The following RXFP1 variants were observed in gnomAD, a reference collection of about 807,000 sequenced individuals.
The protein encoded by RXFP1 is relaxin receptor 1.
RXFP1 carries 73 observed loss-of-function variants against 89.8 expected under a neutral mutation model. The observed-to-expected ratio is 0.81, with a 90% CI of 0.67 to 0.99. The LOEUF (loss-of-function observed/expected upper bound fraction) is 0.99. RXFP1 is among the 50% of genes least tolerant of loss of function. The pLI, the probability that RXFP1 is intolerant of heterozygous loss-of-function variation, is 0.00. For synonymous variants in RXFP1, 277 were observed against 305.5 expected (o/e 0.91, Z 0.97); for missense variants, 793 against 895.5 (o/e 0.89, Z 1.46).
intron 2 of RXFP1, among the ~76,000 whole-genome samples, chr4:158,591,585 CA>C (rs556318387): frequency 0.03 from 2,469 of 82,324 alleles, 41 homozygotes; most frequent in African/African-American, 0.069. Flanking sequence ...CCCATCTCTA[CA>C]AAAAAAAAAA....
chr4:158,620,970 TA>T, intron 9 of RXFP1, among the ~76,000 whole-genome samples: 1 of 151,714 alleles, frequency 6.6e-6, no homozygotes, highest in African/African-American at 2.4e-5. Flanking sequence ...AAATTTTTTT[TA>T]AAAAATTAGC....
intron 1 of RXFP1, among the ~76,000 whole-genome samples, chr4:158,535,332 A>G: frequency 6.6e-6 from 1 of 152,242 alleles, no homozygotes; most frequent in Non-Finnish European, 1.5e-5. Context: ...GTAATATATT[A>G]GTAATTCAAA....
At chr4:158,593,968 A>G (rs190043117) in intron 3 of RXFP1, among the ~76,000 whole-genome samples, 4 of 152,362 alleles carry the variant, frequency 2.6e-5, no homozygotes, top group Non-Finnish European at 5.9e-5. Flanking sequence ...CTGAAAACTT[A>G]CAAAAACACT....
intron 1 of RXFP1, among the ~76,000 whole-genome samples, chr4:158,565,407 G>A (rs942478534): frequency 3.3e-5 from 5 of 152,108 alleles, no homozygotes; most frequent in African/African-American, 2.4e-5. Context: ...GAGAGACCTG[G>A]TGGCAGTGAT....
chr4:158,525,056 T>C (rs996465065), intron 1 of RXFP1, among the ~76,000 whole-genome samples: 3 of 152,254 alleles, frequency 2.0e-5, no homozygotes, highest in South Asian at 4.1e-4. Flanking sequence ...TCTGTAACTA[T>C]GAAGAAGAGA....
chr4:158,547,125 A>G (rs950955959), intron 1 of RXFP1, among the ~76,000 whole-genome samples: 14 of 151,944 alleles, frequency 9.2e-5, no homozygotes, highest in African/African-American at 3.4e-4. Context: ...CACAATTTCA[A>G]AGTCTGTTAT....
chr4:158,612,437 C>G, intron 8 of RXFP1, 75 bp downstream of exon 8: 6 of 1,068,864 alleles, frequency 5.6e-6, no homozygotes, highest in Non-Finnish European at 8.2e-6. Flanking sequence ...AAATTTAATA[C>G]CATTAAATTT....
At chr4:158,632,299 T>C (rs1768200821) in intron 11 of RXFP1, among the ~76,000 whole-genome samples, 3 of 152,304 alleles carry the variant, frequency 2.0e-5, no homozygotes, top group Admixed American at 1.3e-4. Context: ...TTTTAAAAAC[T>C]CAGTCTAAAA....
intron 6 of RXFP1, among the ~76,000 whole-genome samples, chr4:158,608,387 A>G (rs924033720): frequency 7.3e-6 from 1 of 137,392 alleles, no homozygotes; most frequent in Non-Finnish European, 1.5e-5. Context: ...TTCCAGGTTC[A>G]AGCAATTCTC....
chr4:158,591,831 A>G (rs1024616963), intron 2 of RXFP1, among the ~76,000 whole-genome samples: 4 of 152,236 alleles, frequency 2.6e-5, no homozygotes, highest in Admixed American at 2.6e-4. Context: ...ACAAACTTTT[A>G]TAACTTCACT....
chr4:158,585,463 T>C (rs973088134), intron 2 of RXFP1, among the ~76,000 whole-genome samples: 3 of 152,210 alleles, frequency 2.0e-5, no homozygotes, highest in African/African-American at 7.2e-5. Flanking sequence ...GCCAGGGGAA[T>C]CTAACAACAT....
intron 3 of RXFP1, among the ~76,000 whole-genome samples, chr4:158,596,431 T>A (rs1320618732): frequency 2.0e-5 from 3 of 152,072 alleles, no homozygotes; most frequent in Admixed American, 1.3e-4. Flanking sequence ...TGGCTAATTA[T>A]GTATTTTTAG....
chr4:158,542,109 A>ATATATATATATATATATAT, intron 1 of RXFP1, among the ~76,000 whole-genome samples: 1 of 35,242 alleles, frequency 2.8e-5, no homozygotes, highest in African/African-American at 9.3e-5. Flanking sequence ...ATATATATAT[A>ATATATATATATATATATAT]TTTTTTTTTT....
Position 158,638,071 on chromosome 4 carries a change from C to T in RXFP1, c.1035C>T (p.Leu345=). The T allele has an allele frequency of 6.3e-7, 1 of 1,589,092 alleles. No individual in the cohort carries two copies. Among genetic ancestry groups the T allele is most frequent in the Non-Finnish European group, 8.6e-7 (1 of 1,158,590 alleles). Reference sequence around the variant, plus strand: ...ACCAATTTGATTATCTTGTCAAACTCAAGTCTCTGTAAGTATTCACATATG... The same window carrying T: ...ACCAATTTGATTATCTTGTCAAACTTAAGTCTCTGTAAGTATTCACATATG... The part of the protein sequence containing the change: ...QANQFDYLVK[L]KSLSLEGIEI... The change falls in exon 13 of 18, where the codon CTC becomes CTT. Residue 345 remains leucine (L), a synonymous_variant. Coordinates refer to ENST00000307765, the MANE Select transcript of RXFP1 (RefSeq NM_021634.4).
intron 2 of RXFP1, among the ~76,000 whole-genome samples, chr4:158,573,916 C>T (rs550400356): frequency 2.6e-5 from 4 of 152,162 alleles, no homozygotes; most frequent in South Asian, 4.2e-4. Flanking sequence ...TCTTTTGGGA[C>T]GAAAAGTGAG....
intron 9 of RXFP1, among the ~76,000 whole-genome samples, chr4:158,625,243 A>G (rs539206726): frequency 2.6e-5 from 4 of 152,166 alleles, no homozygotes; most frequent in Non-Finnish European, 5.9e-5. Context: ...CCAACTTAAT[A>G]GAATAACAGA....
At chr4:158,621,687 A>T (rs1765661891) in intron 9 of RXFP1, among the ~76,000 whole-genome samples, 1 of 152,242 alleles carries the variant, frequency 6.6e-6, no homozygotes, top group Non-Finnish European at 1.5e-5. Flanking sequence ...GGCCAACTAT[A>T]TTAATCATAT....
intron 5 of RXFP1, among the ~76,000 whole-genome samples, chr4:158,606,851 A>G (rs1451827854): frequency 3.9e-5 from 6 of 151,976 alleles, no homozygotes; most frequent in Non-Finnish European, 8.8e-5. Flanking sequence ...AAGCTCTGCA[A>G]TTATGGGCAT....
chr4:158,551,941 C>CA (rs1750241228), intron 1 of RXFP1, among the ~76,000 whole-genome samples: 1 of 151,864 alleles, frequency 6.6e-6, no homozygotes. Flanking sequence ...GACCTTGTTA[C>CA]AAAAATAAAT....
Sources: allele counts gnomAD v4.1 joint callset (sites outside exome capture counted in the v4.1 genomes callset), GRCh38; gene constraint gnomAD v4.1.1; transcripts MANE v1.5; gene names NCBI Gene and HGNC (gene_info 2026-07-23, HGNC 2026-07-21).